The following CDKL5 variants were observed in gnomAD, a reference collection of about 807,000 sequenced individuals.
The protein encoded by CDKL5 is cyclin dependent kinase like 5.
A neutral mutation model predicts 61.7 loss-of-function variants in CDKL5; 8 were observed. The ratio of observed to expected loss-of-function variants is 0.13; its 90% confidence interval spans 0.08 to 0.23. The LOEUF (loss-of-function observed/expected upper bound fraction) is 0.23, where lower values mean the gene tolerates loss of function less well. CDKL5 is among the 10% of genes least tolerant of loss of function. The pLI, the probability that CDKL5 is intolerant of heterozygous loss-of-function variation, is 1.00. For missense variants in CDKL5, 440 were observed against 734.5 expected, an observed-to-expected ratio of 0.60 and a Z score of 4.63; for synonymous variants, 275 against 272.3, an observed-to-expected ratio of 1.01 and a Z score of -0.10.
intron 3 of CDKL5, among the ~76,000 whole-genome samples, chrX:18,530,947 TCTG>T (rs1158374098): frequency 8.9e-6 from 1 of 111,964 alleles, no homozygotes; most frequent in Non-Finnish European, 1.9e-5. Flanking sequence ...AAATAGTGAG[TCTG>T]TGTCTTGCAA....
intron 1 of CDKL5, among the ~76,000 whole-genome samples, chrX:18,444,123 T>A (rs1179153242): frequency 1.8e-5 from 2 of 109,932 alleles, no homozygotes; most frequent in Non-Finnish European, 3.8e-5. Context: ...TTGTTTTATG[T>A]ATCCTGCTTT....
At chrX:18,505,544 C>T (rs1306408242) in intron 1 of CDKL5, among the ~76,000 whole-genome samples, 1 of 111,967 alleles carries the variant, frequency 8.9e-6, no homozygotes, top group Non-Finnish European at 1.9e-5. Context: ...TGTTTCTTGT[C>T]TTTCATGACC....
intron 1 of CDKL5, among the ~76,000 whole-genome samples, chrX:18,503,526 A>G (rs1328721208): frequency 8.9e-6 from 1 of 111,779 alleles, no homozygotes; most frequent in Non-Finnish European, 1.9e-5. Context: ...ATTTCTTACA[A>G]ATGCTCTTTA....
intron 1 of CDKL5, among the ~76,000 whole-genome samples, chrX:18,464,989 G>A (rs1932368838): frequency 9.0e-6 from 1 of 111,672 alleles, no homozygotes; most frequent in African/African-American, 3.3e-5. Flanking sequence ...CCTTTATGGT[G>A]GGTGCTTGCT....
intron 3 of CDKL5, among the ~76,000 whole-genome samples, chrX:18,511,683 C>A (rs1053587922): frequency 2.7e-5 from 3 of 111,188 alleles, no homozygotes; most frequent in African/African-American, 9.8e-5. Context: ...TGATAAAAAT[C>A]ACCTAATGAC....
chrX:18,538,327 A>G (rs1419072730), intron 3 of CDKL5, among the ~76,000 whole-genome samples: 1 of 111,536 alleles, frequency 9.0e-6, no homozygotes, highest in East Asian at 2.8e-4. Context: ...TATATTCTGG[A>G]TTTAAATCTT....
chrX:18,466,328 A>G lies in CDKL5; in HGVS notation c.-162-40607A>G, dbSNP rs190792738. 5.4e-3 allele frequency among the ~76,000 whole-genome samples: 603 copies of G among 112,256 alleles called. 3 individuals carry two copies. Among genetic ancestry groups the G allele is most frequent in the Non-Finnish European group, 6.2e-3 (332 of 53,291 alleles). ...GAAAGCTAATAGTATTTTTTGAGACAGTGTTATAAATGTTCCTAATGGATT... is the reference window on the plus strand; with the variant it reads ...GAAAGCTAATAGTATTTTTTGAGACGGTGTTATAAATGTTCCTAATGGATT... On this transcript the variant is annotated intron_variant, in intron 1 of 17. Transcript: ENST00000623535.
chrX:18,599,154 G>T (rs1042354065), intron 11 of CDKL5, among the ~76,000 whole-genome samples: 1 of 112,649 alleles, frequency 8.9e-6, no homozygotes, highest in African/African-American at 3.2e-5. Flanking sequence ...TAAAGTCAGT[G>T]ATTAAAATTG....
chrX:18,457,437 G>C lies in CDKL5; in HGVS notation c.-163+31742G>C, dbSNP rs191809316. 6 of 111,175 alleles carry C rather than the reference G, an allele frequency of 5.4e-5. 1 individual carries two copies. In the Admixed American group the frequency reaches 5.8e-4, roughly 11 times the overall value. The allele number at this position is 111,175 out of a possible 1,213,427, so 9.2% of individuals were successfully genotyped here. A position where few individuals can be genotyped will look rare whatever the true frequency, so the allele number is the denominator to read the frequency against. On this transcript the variant is annotated intron_variant, in intron 1 of 17. Transcript: ENST00000623535. Reference sequence around the variant, plus strand: ...AATGTTTATTGAACACTTTCTCTGTGCGGAGCTCTATTGTAGGCATAGATG... The same window carrying C: ...AATGTTTATTGAACACTTTCTCTGTCCGGAGCTCTATTGTAGGCATAGATG...
rs1368543395 is a variant in CDKL5 at position 18,456,857 on chromosome X, C to G, written c.-163+31162C>G. On this transcript the variant is annotated intron_variant, in intron 1 of 17. Transcript: ENST00000623535. ...TATTGCTTTTGGCCATTTTCCTCTT[C>G]TTTCTTGCCCTTGGTGTAATGCGTT... 7.2e-5 allele frequency among the ~76,000 whole-genome samples: 8 copies of G among 111,418 alleles called. 1 individual carries two copies. Among genetic ancestry groups the G allele is most frequent in the Non-Finnish European group, 3.8e-5 (2 of 53,149 alleles).
At chrX:18,574,410 G>T (rs945643130) in intron 4 of CDKL5, among the ~76,000 whole-genome samples, 14 of 111,569 alleles carry the variant, frequency 1.3e-4, no homozygotes, top group Non-Finnish European at 1.9e-5. Flanking sequence ...TTGGATTTTG[G>T]ACTTGCAGAT....
intron 4 of CDKL5, among the ~76,000 whole-genome samples, chrX:18,569,244 T>C (rs1925063407): frequency 9.0e-6 from 1 of 111,489 alleles, no homozygotes; most frequent in Admixed American, 9.6e-5. Flanking sequence ...GATAATGAGT[T>C]CTTTAAGATA....
At chrX:18,501,543 A>ATTTTT (rs1569196803) in intron 1 of CDKL5, among the ~76,000 whole-genome samples, 69 of 110,831 alleles carry the variant, frequency 6.2e-4, no homozygotes, top group African/African-American at 2.2e-3. Context: ...TTTTTTTAAA[A>ATTTTT]AATTTTTATT....
chrX:18,579,813 TA>T, intron 5 of CDKL5, 34 bp from the exon 6 acceptor site: 1 of 1,187,983 alleles, frequency 8.4e-7, no homozygotes, highest in Non-Finnish European at 1.1e-6. Context: ...CGGGCCTACC[TA>T]ATTTGGGAAA....
intron 4 of CDKL5, among the ~76,000 whole-genome samples, chrX:18,569,337 T>G (rs1441700617): frequency 1.8e-5 from 2 of 111,599 alleles, no homozygotes; most frequent in Non-Finnish European, 3.8e-5. Flanking sequence ...CAACCAGAAG[T>G]CTCCATTGTA....
chrX:18,440,061 G>T lies in CDKL5; in HGVS notation c.-163+14366G>T, dbSNP rs769911661. On this transcript the variant is annotated intron_variant, in intron 1 of 17. Transcript: ENST00000623535. ...CTGATCAGGATGGTGGTTGCTGAAG[G>T]TTGGGGGATCTGTGGCAGTTTCTTA... 5.4e-5 allele frequency among the ~76,000 whole-genome samples: 6 copies of T among 110,965 alleles called. No homozygotes were observed. The South Asian group carries it at 2.3e-3, about 42-fold the overall frequency.
chrX:18,617,940 A>G (rs944191991), intron 15 of CDKL5, among the ~76,000 whole-genome samples: 1 of 111,489 alleles, frequency 9.0e-6, no homozygotes, highest in African/African-American at 3.3e-5. Context: ...ACGATGCAAC[A>G]TGCAAACTGC....
At chrX:18,584,806 A>G (rs912122373) in intron 8 of CDKL5, among the ~76,000 whole-genome samples, 3 of 111,963 alleles carry the variant, frequency 2.7e-5, no homozygotes, top group Non-Finnish European at 5.6e-5. Flanking sequence ...CTTTTTTTGT[A>G]TGGCTTTTGC....
At chrX:18,501,061 C>T (rs992009656) in intron 1 of CDKL5, among the ~76,000 whole-genome samples, 1 of 110,403 alleles carries the variant, frequency 9.1e-6, no homozygotes, top group African/African-American at 3.3e-5. Context: ...GGTTGGTCTC[C>T]AACTCCTGAC....
Sources: allele counts gnomAD v4.1 joint callset (sites outside exome capture counted in the v4.1 genomes callset), GRCh38; gene constraint gnomAD v4.1.1; transcripts MANE v1.5; gene names NCBI Gene and HGNC (gene_info 2026-07-23, HGNC 2026-07-21).